Variants in VARS1 observed in about 807,000 individuals in gnomAD.
VARS1 encodes valyl-tRNA synthetase 1.
Under a neutral mutation model 161.0 loss-of-function variants are expected in VARS1, and 92 were observed. The ratio of observed to expected loss-of-function variants is 0.57; its 90% CI spans 0.48 to 0.68. The LOEUF is 0.68. Among genes scored for constraint, VARS1 ranks in the 30% least tolerant of loss-of-function variants. VARS1 has a pLI of 0.00. For synonymous variants in VARS1, 595 were observed against 682.5 expected (o/e 0.87, Z 2.00); for missense variants, 1,338 against 1,695.9 (o/e 0.79, Z 3.71).
At position 31,779,734 on chromosome 6, in the gene VARS1, G is replaced by C. The variant is rs1171083155; in HGVS notation, c.3162C>G (p.Asp1054Glu). Residue 1054 changes from aspartate to glutamate, a missense_variant, in exon 27 of 30, where the codon GAC becomes GAG. Around this residue, in one of 3 missense-constraint regions of VARS1, gnomAD observed 433 missense variants for 586.2 expected, o/e 0.74. Transcript: ENST00000375663. The surrounding 1 kb of genome is among the most constrained non-coding windows in gnomAD (Gnocchi z 9.1). ...AGGGTGAGAGCAGCCGCAGGCCAAC[G>C]TCCAGGCAAGTGTACAGGGTCTGGC... Reference protein sequence around the residue: ...CARQTLYTCLDVGLRLLSPFM... With the variant: ...CARQTLYTCLEVGLRLLSPFM... 1 of 1,612,992 alleles carries C rather than the reference G, an allele frequency of 6.2e-7. No homozygotes were observed. The highest frequency in any genetic ancestry group is 8.5e-7 in the Non-Finnish European group (1 of 1,179,990).
chr6:31,781,232 C>T lies in VARS1; in HGVS notation c.2545-109G>A. 3 of 1,336,858 alleles carry T rather than the reference C, an allele frequency of 2.2e-6. No individual in the cohort carries two copies. The highest frequency in any genetic ancestry group is 3.1e-6 in the Non-Finnish European group (3 of 956,616). 82.8% of individuals were successfully genotyped at this position (1,336,858 alleles called of 1,614,324 possible). ...ACCCCACTGTGAACCTCAGGTCCCA[C>T]TGAGTGTCCCCAAGAGCTCGTTGAG... is the stretch of plus-strand genomic sequence containing the variant. On this transcript the variant is annotated intron_variant, in intron 21 of 29. Transcript: ENST00000375663. The surrounding 1 kb of genome is among the most constrained non-coding windows in gnomAD (Gnocchi z 6.8).
chr6:31,784,691 C>G lies in VARS1; in HGVS notation c.1371G>C (p.Glu457Asp), dbSNP rs553884107. ...MDPKLSAAVT[E>D]AFVRLHEEGI... ...CTTCCTCGTGAAGCCGGACAAAGGC[C>G]TCTGTCACAGCTGCTGAGAGTTTCT... The change falls in exon 11 of 30, where the codon GAG becomes GAC. Residue 457 changes from glutamate to aspartate, a missense_variant. Coordinates refer to ENST00000375663, the MANE Select transcript of VARS1 (RefSeq NM_006295.3). This position sits in a 1 kb window ranked among gnomAD's most constrained non-coding sequence, Gnocchi z 6.1. 1 of 1,612,976 alleles carries G rather than the reference C, an allele frequency of 6.2e-7. No individual in the cohort carries two copies. The highest frequency in any genetic ancestry group is 8.5e-7 in the Non-Finnish European group (1 of 1,180,026).
intron 8 of VARS1, among the ~76,000 whole-genome samples, chr6:31,787,614 C>T (rs1198923165): frequency 2.6e-5 from 4 of 151,856 alleles, no homozygotes; most frequent in African/African-American, 7.3e-5. Flanking sequence ...CACTGCACTC[C>T]AGCCTGGGCG....
intron 8 of VARS1, among the ~76,000 whole-genome samples, chr6:31,790,602 CAAAAAA>C (rs9279419): frequency 1.2e-4 from 5 of 43,386 alleles, no homozygotes; most frequent in Non-Finnish European, 1.9e-4. Context: ...AACTCTGTCT[CAAAAAA>C]AAAAAAAAAA....
rs765047867 is a variant in VARS1, at chr6:31,795,026, G to A, written c.192C>T (p.Pro64=). The A allele has an allele frequency of 1.1e-5, 17 of 1,578,952 alleles. No homozygotes were observed. The highest frequency in any genetic ancestry group is 5.4e-5 in the African/African-American group (4 of 73,766). The change falls in exon 2 of 30, where the codon CCC becomes CCT. Residue 64 remains proline, a synonymous_variant. Transcript: ENST00000375663. This position sits in a 1 kb window ranked among gnomAD's most constrained non-coding sequence, Gnocchi z 6.9. The part of the protein sequence containing the change: ...PPRLPALEQG[P]GGLWVWGATA... ...TGGCCCCCCACACCCAGAGCCCACC[G>A]GGCCCCTGCTCCAGGGCCGGCAGGC...
chr6:31,780,251 G>A lies in VARS1; in HGVS notation c.2926-98C>T. 1 of 1,560,970 alleles carries A rather than the reference G, an allele frequency of 6.4e-7. No homozygotes were observed. Among genetic ancestry groups the A allele is most frequent in the South Asian group, 1.2e-5 (1 of 85,224 alleles). The stretch of plus-strand genomic sequence containing the variant: ...GGCAAATCTTCATCCAGAGTCTGAT[G>A]AGTCCAAAGCAACCACCTATGTGCC... On this transcript the variant is annotated intron_variant, in intron 25 of 29. Coordinates refer to ENST00000375663, the MANE Select transcript of VARS1 (RefSeq NM_006295.3). This position sits in a 1 kb window ranked among gnomAD's most constrained non-coding sequence, Gnocchi z 5.1.
chr6:31,782,309 C>G lies in VARS1; in HGVS notation c.2126G>C (p.Trp709Ser). Reference protein sequence around the residue: ...RILPEAHQRTWHAWMDNIREW... With the variant: ...RILPEAHQRTSHAWMDNIREW... ...CCGGATGTTGTCCATCCAGGCATGC[C>G]ATGTGCGCTGATGGGCCTCAGGCAG... The change falls in exon 17 of 30, where the codon TGG becomes TCG. Residue 709 changes from tryptophan (W) to serine (S), a missense_variant. By Grantham distance (177) the Trp-to-Ser change is radical (BLOSUM62 -3). Transcript: ENST00000375663. This position sits in a 1 kb window ranked among gnomAD's most constrained non-coding sequence, Gnocchi z 8.3. The G allele has an allele frequency of 6.2e-7, 1 of 1,613,022 alleles. No homozygotes were observed. Among genetic ancestry groups the G allele is most frequent in the Non-Finnish European group, 8.5e-7 (1 of 1,179,964 alleles).
Position 31,780,875 on chromosome 6 carries a change from C to T in VARS1, c.2713G>A (p.Gly905Arg). 1 of 1,614,218 alleles carries T rather than the reference C, an allele frequency of 6.2e-7. No individual in the cohort carries two copies. Among genetic ancestry groups the T allele is most frequent in the Non-Finnish European group, 8.5e-7 (1 of 1,180,032 alleles). ...CCCAGCCCAACCCTCCATACCTGCCCTTCTTTGGCCTTCTCCACCTCGCTG... is the reference window on the plus strand; with the variant it reads ...CCCAGCCCAACCCTCCATACCTGCCTTTCTTTGGCCTTCTCCACCTCGCTG... ...DPSEVEKAKE[G>R]QKADFPAGIP... Residue 905 changes from glycine to arginine, a missense_variant, in exon 23 of 30, where the codon GGG becomes AGG. Transcript: ENST00000375663. This position sits in a 1 kb window ranked among gnomAD's most constrained non-coding sequence, Gnocchi z 5.1.
In VARS1 at chr6:31,791,997, G is replaced by C; in HGVS notation, c.872-26C>G. 6.5e-7 allele frequency: 1 copy of C among 1,546,914 alleles called. No homozygotes were observed. The highest frequency in any genetic ancestry group is 1.2e-5 in the South Asian group (1 of 81,066). ...CTGGGGGAGAGGAAGGGAGGGCTCA[G>C]TGCCGTGGCTGGGAGCACTCTGGGA... is the stretch of plus-strand genomic sequence containing the variant. On this transcript the variant is annotated intron_variant, in intron 6 of 29. Transcript: ENST00000375663. This position sits in a 1 kb window ranked among gnomAD's most constrained non-coding sequence, Gnocchi z 5.0.
At position 31,779,826 on chromosome 6, in the gene VARS1, G is replaced by C; in HGVS notation, c.3082-12C>G. The C allele has an allele frequency of 6.2e-7, 1 of 1,612,736 alleles. No homozygotes were observed. Among genetic ancestry groups the C allele is most frequent in the South Asian group, 1.1e-5 (1 of 91,088 alleles). On this transcript the variant is annotated splice_polypyrimidine_tract_variant and intron_variant, in intron 26 of 29. Coordinates refer to ENST00000375663, the MANE Select transcript of VARS1 (RefSeq NM_006295.3). The surrounding 1 kb of genome is among the most constrained non-coding windows in gnomAD (Gnocchi z 9.1). ...GGTTTCAGGCACTCCTAGGGGACGAGAGGTACAGGGCTCACGGCTGGAGGT... is the reference window on the plus strand; with the variant it reads ...GGTTTCAGGCACTCCTAGGGGACGACAGGTACAGGGCTCACGGCTGGAGGT...
Position 31,781,691 on chromosome 6 carries a change from C to T in VARS1, c.2418G>A (p.Gln806=). 6.2e-7 allele frequency: 1 copy of T among 1,613,042 alleles called. No homozygotes were observed. The highest frequency in any genetic ancestry group is 8.5e-7 in the Non-Finnish European group (1 of 1,179,988). The part of the protein sequence containing the change: ...FPLSILGWPN[Q]SEDLSVFYPG... ...CCAAGCCCCGGCCCCAGGAACACAC[C>T]TGGTTGGGCCAGCCCAAAATGGATA... Residue 806 remains glutamine, a splice_region_variant and synonymous_variant, in exon 20 of 30, where the codon CAG becomes CAA. Coordinates refer to ENST00000375663, the MANE Select transcript of VARS1 (RefSeq NM_006295.3). This position sits in a 1 kb window ranked among gnomAD's most constrained non-coding sequence, Gnocchi z 6.8.
Position 31,779,621 on chromosome 6 carries a change from G to A in VARS1, c.3275C>T (p.Pro1092Leu), listed in dbSNP as rs142806041. 5 of 1,612,624 alleles carry A rather than the reference G, an allele frequency of 3.1e-6. No homozygotes were observed. Among genetic ancestry groups the A allele is most frequent in the Non-Finnish European group, 4.2e-6 (5 of 1,179,818 alleles). Reference protein sequence around the residue: ...APPSLCVTPYPEPSECSWKDP... With the variant: ...APPSLCVTPYLEPSECSWKDP... The stretch of plus-strand genomic sequence containing the variant: ...GCCATGCCATACCTCTGAGGGCTCC[G>A]GGTAGGGGGTAACACAGAGGCTAGG... Residue 1092 changes from proline to leucine, a missense_variant, in exon 27 of 30, where the codon CCG (proline) becomes CTG (leucine). Transcript: ENST00000375663. This position sits in a 1 kb window ranked among gnomAD's most constrained non-coding sequence, Gnocchi z 9.1.
chr6:31,783,233 C>T (rs763535391), intron 13 of VARS1, 47 bp from the exon 14 acceptor site: 9 of 1,583,672 alleles, frequency 5.7e-6, no homozygotes, highest in Non-Finnish European at 7.7e-6. Flanking sequence ...GGCCAGACGC[C>T]GTGATTCCCA....
intron 3 of VARS1, 32 bp from the exon 4 acceptor site, chr6:31,792,927 C>A (rs1230781884): frequency 2.5e-6 from 4 of 1,614,086 alleles, no homozygotes; most frequent in African/African-American, 2.7e-5. Flanking sequence ...TCTTCTCAGT[C>A]ACCCTACAGT....
In VARS1 at chr6:31,780,315, C is replaced by T. The variant is rs1032450186; in HGVS notation, c.2925+126G>A. The T allele has an allele frequency of 5.6e-5, 85 of 1,518,516 alleles. No individual in the cohort carries two copies. Among genetic ancestry groups the T allele is most frequent in the South Asian group, 2.7e-4 (21 of 78,604 alleles). The allele number at this position is 1,518,516 out of a possible 1,614,324, so 94.1% of individuals were successfully genotyped here. A position where few individuals can be genotyped will look rare whatever the true frequency, so the allele number is the denominator to read the frequency against. On this transcript the variant is annotated intron_variant, in intron 25 of 29. Coordinates refer to ENST00000375663, the MANE Select transcript of VARS1 (RefSeq NM_006295.3). The surrounding 1 kb of genome is among the most constrained non-coding windows in gnomAD (Gnocchi z 5.1). The stretch of plus-strand genomic sequence containing the variant: ...AAGTGACAGGCCCCAGCCCCCAATG[C>T]GCTGGGCTTTCCCTTTAACTGTCTG...
chr6:31,783,640 G>C (rs1023743025), intron 13 of VARS1, among the ~76,000 whole-genome samples: 1 of 151,356 alleles, frequency 6.6e-6, no homozygotes, highest in African/African-American at 2.4e-5. Context: ...ATGGTTAACA[G>C]AGTGAGACCT....
Position 31,792,508 on chromosome 6 carries a change from C to G in VARS1, c.670G>C (p.Ala224Pro). Reference protein sequence around the residue: ...RPLSHQPGPEAPALPKTAAQL... With the variant: ...RPLSHQPGPEPPALPKTAAQL... ...GCAGCTGTCTTTGGGAGGGCAGGAG[C>G]CTCGGGGCCTAGAGAGAGGTGCAGA... The change falls in exon 5 of 30, where the codon GCT (alanine) becomes CCT (proline). Residue 224 changes from alanine (A) to proline (P), a missense_variant. Coordinates refer to ENST00000375663, the MANE Select transcript of VARS1 (RefSeq NM_006295.3). 6.2e-7 allele frequency: 1 copy of G among 1,613,632 alleles called. No individual in the cohort carries two copies. Among genetic ancestry groups the G allele is most frequent in the Non-Finnish European group, 8.5e-7 (1 of 1,179,870 alleles).
At position 31,782,045 on chromosome 6, in the gene VARS1, C is replaced by T. The variant is rs758417251; in HGVS notation, c.2241+42G>A. The T allele has an allele frequency of 2.5e-6, 4 of 1,612,288 alleles. No individual in the cohort carries two copies. Among genetic ancestry groups the T allele is most frequent in the Admixed American group, 1.7e-5 (1 of 59,962 alleles). ...CCAAGGACCCAGTAAACCCACCACT[C>T]CAGCAGGGTGTCCCAGCAGCTAGCT... On this transcript the variant is annotated intron_variant, in intron 18 of 29. Coordinates refer to ENST00000375663, the MANE Select transcript of VARS1 (RefSeq NM_006295.3). This position sits in a 1 kb window ranked among gnomAD's most constrained non-coding sequence, Gnocchi z 8.3.
chr6:31,791,830 C>T lies in VARS1; in HGVS notation c.972+41G>A. 1.2e-6 allele frequency: 2 copies of T among 1,611,526 alleles called. No individual in the cohort carries two copies. The highest frequency in any genetic ancestry group is 1.1e-5 in the South Asian group (1 of 91,020). ...CACATCCTTCAGTCCTGCCCTTCCC[C>T]ACCCCACCCACTCTGGGCCTGGGCA... On this transcript the variant is annotated intron_variant, in intron 7 of 29. Transcript: ENST00000375663. This position sits in a 1 kb window ranked among gnomAD's most constrained non-coding sequence, Gnocchi z 5.0.
Sources: allele counts gnomAD v4.1 joint callset (sites outside exome capture counted in the v4.1 genomes callset), GRCh38; gene constraint gnomAD v4.1.1; regional missense constraint gnomAD v4.1.1; non-coding constraint Gnocchi (gnomAD v3.1); transcripts MANE v1.5; gene names NCBI Gene and HGNC (gene_info 2026-07-23, HGNC 2026-07-21).